FUT9: variants seen among roughly 807,000 people sequenced by gnomAD.
FUT9 encodes fucosyltransferase 9.
A neutral mutation model predicts 29.7 loss-of-function variants in FUT9; 15 were observed. That is an observed-to-expected ratio of 0.51 (90% CI 0.34 to 0.78). FUT9 has a LOEUF of 0.78. FUT9 is among the 30% of genes least tolerant of loss of function. FUT9 has a pLI of 0.01. For missense variants in FUT9, 319 were observed against 425.4 expected, an observed-to-expected ratio of 0.75 and a Z score of 2.20; for synonymous variants, 169 against 153.7, an observed-to-expected ratio of 1.10 and a Z score of -0.74.
chr6:96,124,603 T>A (rs1772097977), intron 2 of FUT9, among the ~76,000 whole-genome samples: 1 of 152,074 alleles, frequency 6.6e-6, no homozygotes. Context: ...TGGCTTCTAG[T>A]CTCCTCCCAG....
intron 2 of FUT9, among the ~76,000 whole-genome samples, chr6:96,142,689 C>G (rs1470146530): frequency 6.6e-6 from 1 of 151,190 alleles, no homozygotes; most frequent in Non-Finnish European, 1.5e-5. Context: ...AGGTTGTTAA[C>G]AAAATTTTCA....
intron 2 of FUT9, among the ~76,000 whole-genome samples, chr6:96,160,235 A>G (rs2127979589): frequency 6.6e-6 from 1 of 152,240 alleles, no homozygotes; most frequent in African/African-American, 2.4e-5. Flanking sequence ...TGTGCCAATG[A>G]TGGTATTGTG....
chr6:96,047,531 T>G (rs1357333151), intron 1 of FUT9, among the ~76,000 whole-genome samples: 3 of 152,130 alleles, frequency 2.0e-5, no homozygotes, highest in Middle Eastern at 3.2e-3. Flanking sequence ...AAAACCAAAA[T>G]TTTGGTTTTG....
At chr6:96,184,434 G>A (rs573078473) in intron 2 of FUT9, among the ~76,000 whole-genome samples, 1 of 151,288 alleles carries the variant, frequency 6.6e-6, no homozygotes, top group African/African-American at 2.4e-5. Context: ...TTGTTTGTTT[G>A]TCTCTTTCAA....
intron 1 of FUT9, among the ~76,000 whole-genome samples, chr6:96,065,484 T>C (rs908078232): frequency 2.0e-5 from 3 of 152,140 alleles, no homozygotes; most frequent in Non-Finnish European, 2.9e-5. Context: ...CTCTAAGTAA[T>C]TGGCCATGTG....
chr6:96,149,625 A>G (rs1166593851), intron 2 of FUT9, among the ~76,000 whole-genome samples: 1 of 152,228 alleles, frequency 6.6e-6, no homozygotes, highest in Non-Finnish European at 1.5e-5. Flanking sequence ...TTATTGAAGC[A>G]TGAACACTGT....
intron 2 of FUT9, among the ~76,000 whole-genome samples, chr6:96,124,485 T>G (rs559415559): frequency 6.6e-6 from 1 of 152,258 alleles, no homozygotes; most frequent in East Asian, 1.9e-4. Flanking sequence ...CTTACATAGA[T>G]TAGTGATTAT....
chr6:96,088,565 T>TGC (rs1192504284), intron 1 of FUT9, among the ~76,000 whole-genome samples: 8 of 115,066 alleles, frequency 7.0e-5, no homozygotes, highest in African/African-American at 2.1e-4. Flanking sequence ...TGTGTGTGTG[T>TGC]GTGCGTGCGC....
intron 2 of FUT9, among the ~76,000 whole-genome samples, chr6:96,142,825 G>T (rs1300999806): frequency 6.6e-6 from 1 of 151,800 alleles, no homozygotes; most frequent in Admixed American, 6.6e-5. Flanking sequence ...TGCTAATATA[G>T]GTTTCTTATT....
chr6:96,055,893 T>C (rs933074615), intron 1 of FUT9, among the ~76,000 whole-genome samples: 2 of 152,040 alleles, frequency 1.3e-5, no homozygotes, highest in South Asian at 2.1e-4. Flanking sequence ...ACATAAAGTT[T>C]AGTGTACAGT....
intron 2 of FUT9, among the ~76,000 whole-genome samples, chr6:96,177,397 T>C (rs1306826995): frequency 1.3e-5 from 2 of 152,034 alleles, no homozygotes; most frequent in Non-Finnish European, 2.9e-5. Context: ...TATGTTAAAT[T>C]TCCCCTACAA....
chr6:96,134,891 G>A (rs1169789814), intron 2 of FUT9, among the ~76,000 whole-genome samples: 1 of 151,526 alleles, frequency 6.6e-6, no homozygotes, highest in Non-Finnish European at 1.5e-5. Context: ...ATTATTTTTT[G>A]ATAAATAATA....
At position 96,203,159 on chromosome 6, in the gene FUT9, A is replaced by G. The variant is rs745977485; in HGVS notation, c.4A>G (p.Thr2Ala). ...TCTCTATTTCGTAGGAAAAATTATG[A>G]CATCAACATCCAAAGGAATTCTTCG... M[T>A]STSKGILRPF... The change falls in exon 3 of 3, where the codon ACA becomes GCA. Residue 2 changes from threonine (T) to alanine (A), a missense_variant. Thr to Ala is a moderately conservative substitution (Grantham distance 58, BLOSUM62 0). Coordinates refer to ENST00000302103, the MANE Select transcript of FUT9 (RefSeq NM_006581.4). 6.3e-7 allele frequency: 1 copy of G among 1,585,548 alleles called. No homozygotes were observed.
In FUT9 at chr6:96,099,402, T is replaced by A. The variant is rs1370577054; in HGVS notation, c.-97-14637T>A. ...TTTTCCTCCTTTTATGCTAAAACTG[T>A]ACATGCTATTATGATTATTTCTGTT... On this transcript the variant is annotated intron_variant, in intron 1 of 2. Coordinates refer to ENST00000302103, the MANE Select transcript of FUT9 (RefSeq NM_006581.4). 5.3e-5 allele frequency among the ~76,000 whole-genome samples: 8 copies of A among 152,286 alleles called. No individual in the cohort carries two copies. The East Asian group carries it at 1.5e-3, about 29-fold the overall frequency.
intron 2 of FUT9, among the ~76,000 whole-genome samples, chr6:96,170,347 C>T (rs1019237257): frequency 6.6e-6 from 1 of 152,012 alleles, no homozygotes; most frequent in Non-Finnish European, 1.5e-5. Flanking sequence ...TTGACTCTAA[C>T]AGAAGTTTAA....
At chr6:96,149,605 A>C (rs1281643772) in intron 2 of FUT9, among the ~76,000 whole-genome samples, 1 of 152,216 alleles carries the variant, frequency 6.6e-6, no homozygotes, top group Non-Finnish European at 1.5e-5. Flanking sequence ...AGCAGAGCTG[A>C]GAATAAACCT....
At chr6:96,150,321 T>C (rs1772652576) in intron 2 of FUT9, among the ~76,000 whole-genome samples, 1 of 152,018 alleles carries the variant, frequency 6.6e-6, no homozygotes, top group South Asian at 2.1e-4. Context: ...GACTTTAAAA[T>C]ATGGAAATTA....
chr6:96,192,741 C>A (rs1324553854), intron 2 of FUT9, among the ~76,000 whole-genome samples: 8 of 151,998 alleles, frequency 5.3e-5, no homozygotes. Context: ...GCCTGCATCA[C>A]CAAGTCAATC....
At chr6:96,156,057 G>A (rs1055003524) in intron 2 of FUT9, among the ~76,000 whole-genome samples, 8 of 152,192 alleles carry the variant, frequency 5.3e-5, no homozygotes, top group African/African-American at 1.9e-4. Context: ...TTTCATAGAA[G>A]TAATAGTTAT....
Sources: allele counts gnomAD v4.1 joint callset (sites outside exome capture counted in the v4.1 genomes callset), GRCh38; gene constraint gnomAD v4.1.1; transcripts MANE v1.5; gene names NCBI Gene and HGNC (gene_info 2026-07-23, HGNC 2026-07-21).